The following PCNT variants were observed in gnomAD, a reference collection of about 807,000 sequenced individuals.
PCNT encodes kendrin.
PCNT carries 319 observed loss-of-function variants against 380.4 expected under a neutral mutation model. The observed-to-expected ratio is 0.84, with a 90% confidence interval of 0.77 to 0.92. The LOEUF is 0.92. PCNT is among the 40% of genes least tolerant of loss of function. PCNT has a pLI of 0.00. For synonymous variants in PCNT, 1,845 were observed against 1,735.2 expected (o/e 1.06, Z -1.57); for missense variants, 4,400 against 4,255.3 (o/e 1.03, Z -0.95).
At position 46,357,188 on chromosome 21, in the gene PCNT, G is replaced by A; in HGVS notation, c.2151G>A (p.Glu717=). ...AAACTCGTCTGAAGGACGATTTGGA[G>A]AAGGTGAGTCGTGACTCCACAGCCC... ...QHETRLKDDL[E]KVKHNLIEDH... Residue 717 remains glutamate, a synonymous_variant, in exon 13 of 47, where the codon GAG becomes GAA. Coordinates refer to ENST00000359568, the MANE Select transcript of PCNT (RefSeq NM_006031.6). 1 of 1,606,880 alleles carries A rather than the reference G, an allele frequency of 6.2e-7. No individual in the cohort carries two copies. Among genetic ancestry groups the A allele is most frequent in the South Asian group, 1.1e-5 (1 of 90,936 alleles).
chr21:46,348,961 T>G (rs755207348), intron 6 of PCNT, 51 bp from the exon 7 acceptor site: 2 of 1,239,412 alleles, frequency 1.6e-6, no homozygotes, highest in Non-Finnish European at 2.4e-6. Flanking sequence ...TTAAATTTCT[T>G]TAGCACAGAT....
chr21:46,440,972 C>G lies in PCNT; in HGVS notation c.9511C>G (p.Leu3171Val), dbSNP rs779933158. Reference sequence around the variant, plus strand: ...ATTCCAGGATTCTGAACAAGAAACACTCTCCATGATTGCCCATTTGGGGGT... The same window carrying G: ...ATTCCAGGATTCTGAACAAGAAACAGTCTCCATGATTGCCCATTTGGGGGT... Reference protein sequence around the residue: ...GGFQDSEQETLSMIAHLGVFP... With the variant: ...GGFQDSEQETVSMIAHLGVFP... Residue 3171 changes from leucine to valine, a missense_variant, in exon 43 of 47, where the codon CTC becomes GTC. Coordinates refer to ENST00000359568, the MANE Select transcript of PCNT (RefSeq NM_006031.6). The G allele has an allele frequency of 1.2e-5, 20 of 1,612,864 alleles. No individual in the cohort carries two copies. Among genetic ancestry groups the G allele is most frequent in the Admixed American group, 1.7e-5 (1 of 59,998 alleles).
rs372049859 is a variant in PCNT, at chr21:46,391,264, G to C, written c.4104G>C (p.Leu1368=). 6.9e-6 allele frequency: 11 copies of C among 1,599,496 alleles called. No homozygotes were observed. In the East Asian group the frequency reaches 2.5e-4, roughly 36 times the overall value. ...EHRLVLELES[L]RRQLQQAAQE... ...GTCTGGTGCTGGAGCTGGAGAGCCT[G>C]AGACGGCAGCTGCAGCAGGCGGCCC... The change falls in exon 21 of 47, where the codon CTG becomes CTC. Residue 1368 remains leucine (L), a synonymous_variant. Coordinates refer to ENST00000359568, the MANE Select transcript of PCNT (RefSeq NM_006031.6).
intron 27 of PCNT, among the ~76,000 whole-genome samples, chr21:46,408,868 G>A (rs556081463): frequency 2.4e-4 from 36 of 150,932 alleles, no homozygotes; most frequent in Middle Eastern, 7.0e-3. Flanking sequence ...GATTACAGGC[G>A]CCGCCACCAC....
intron 32 of PCNT, among the ~76,000 whole-genome samples, chr21:46,423,728 G>GAGGGGGAT (rs1569287872): frequency 0.037 from 271 of 7,244 alleles, 15 homozygotes; most frequent in Non-Finnish European, 0.051. Context: ...GAAGAGAAGG[G>GAGGGGGAT]GAGGGGGAGG....
intron 14 of PCNT, among the ~76,000 whole-genome samples, chr21:46,366,308 G>A (rs1334111128): frequency 2.0e-5 from 3 of 152,160 alleles, no homozygotes; most frequent in Admixed American, 6.5e-5. Context: ...GCCATCTCTT[G>A]CTGAGGGCGC....
In PCNT at chr21:46,425,824, G is replaced by A. The variant is rs201549624; in HGVS notation, c.7180-7G>A. 348 of 1,613,322 alleles carry A rather than the reference G, an allele frequency of 2.2e-4. 1 individual carries two copies. The highest frequency in any genetic ancestry group is 1.2e-3 in the South Asian group (110 of 91,062). The stretch of plus-strand genomic sequence containing the variant: ...CAACTCCCTTCTGACGCGCTTTCCC[G>A]CCACAGGCTTTACTGCAGATGGTGC... On this transcript the variant is annotated splice_region_variant and splice_polypyrimidine_tract_variant and intron_variant, in intron 32 of 46. Transcript: ENST00000359568. This position sits in a 1 kb window ranked among gnomAD's most constrained non-coding sequence, Gnocchi z 4.2.
chr21:46,430,561 GAGT>G lies in PCNT; in HGVS notation c.7969_7971del (p.Ser2657del). 1 of 1,558,712 alleles carries G rather than the reference GAGT, an allele frequency of 6.4e-7. No homozygotes were observed. The highest frequency in any genetic ancestry group is 8.7e-7 in the Non-Finnish European group (1 of 1,151,734). ...TGAAGGCCGCGCTTCAGGAGCTGGA[GAGT>G]GAGCAGGGGAAGGGGCGTGCCCTGC... is the stretch of plus-strand genomic sequence containing the variant. On this transcript the variant is annotated inframe_deletion, in exon 37 of 47. Transcript: ENST00000359568.
chr21:46,375,972 C>A (rs1307737422), intron 15 of PCNT, among the ~76,000 whole-genome samples: 1 of 152,222 alleles, frequency 6.6e-6, no homozygotes, highest in Non-Finnish European at 1.5e-5. Context: ...CATGGAGCTT[C>A]CAGCTGCCAG....
chr21:46,438,854 G>A (rs1466154241), intron 41 of PCNT, among the ~76,000 whole-genome samples: 1 of 151,668 alleles, frequency 6.6e-6, no homozygotes, highest in Non-Finnish European at 1.5e-5. Flanking sequence ...TATATTTTTA[G>A]TAGAGATGGG....
At chr21:46,374,612 G>A (rs1283874655) in intron 15 of PCNT, among the ~76,000 whole-genome samples, 1 of 152,176 alleles carries the variant, frequency 6.6e-6, no homozygotes, top group Non-Finnish European at 1.5e-5. Context: ...CACTTTGGGA[G>A]GCCGAGGCGG....
intron 27 of PCNT, among the ~76,000 whole-genome samples, chr21:46,405,914 G>C (rs192852563): frequency 7.9e-5 from 12 of 152,260 alleles, no homozygotes; most frequent in Non-Finnish European, 1.3e-4. Context: ...TTTTCTTACA[G>C]ATATGTGCAA....
chr21:46,439,859 G>C (rs1226957578), intron 41 of PCNT, among the ~76,000 whole-genome samples: 1 of 152,224 alleles, frequency 6.6e-6, no homozygotes, highest in East Asian at 1.9e-4. Context: ...ACTTCAGCAA[G>C]TGGCATGTCG....
At position 46,346,966 on chromosome 21, in the gene PCNT, A is replaced by G; in HGVS notation, c.944A>G (p.Glu315Gly). Residue 315 changes from glutamate to glycine, a missense_variant, in exon 5 of 47, where the codon GAG (glutamate) becomes GGG (glycine). Physicochemically the swap from Glu to Gly is moderately conservative, Grantham distance 98 (BLOSUM62 -2). Coordinates refer to ENST00000359568, the MANE Select transcript of PCNT (RefSeq NM_006031.6). ...LLREQHAREK[E>G]EVVLRCGQEA... is the part of the protein sequence containing the mutation. The stretch of plus-strand genomic sequence containing the variant: ...AGGGAGCAGCACGCACGGGAGAAGG[A>G]GGAGGTGGTGCTCAGGTGTGGACAG... 6.3e-7 allele frequency: 1 copy of G among 1,596,676 alleles called. No homozygotes were observed. The highest frequency in any genetic ancestry group is 8.5e-7 in the Non-Finnish European group (1 of 1,173,908).
Position 46,371,994 on chromosome 21 carries a change from C to CGT in PCNT, c.3165+4855_3165+4856insGT, listed in dbSNP as rs1569214183. Among the ~76,000 whole-genome samples the CGT allele has an allele frequency of 7.3e-4, 110 of 150,142 alleles. 1 individual carries two copies. Among genetic ancestry groups the CGT allele is most frequent in the South Asian group, 5.1e-3 (24 of 4,734 alleles). Reference sequence around the variant, plus strand: ...AGCACATACACACATGCAGCACATGCACACACACACAGCACATGCACACAC... The same window carrying CGT: ...AGCACATACACACATGCAGCACATGCGTACACACACACAGCACATGCACACAC... On this transcript the variant is annotated intron_variant, in intron 15 of 46. Transcript: ENST00000359568.
In PCNT at chr21:46,416,448, C is replaced by G; in HGVS notation, c.6530C>G (p.Ser2177Cys). Reference protein sequence around the residue: ...DSLIPDEMPDSPIQEKSECQD... With the variant: ...DSLIPDEMPDCPIQEKSECQD... ...TTGATACCAGATGAAATGCCAGATT[C>G]TCCCATTCAAGAAAAATCAGAATGT... Residue 2177 changes from serine (S) to cysteine (C), a missense_variant, in exon 30 of 47, where the codon TCT (serine) becomes TGT (cysteine). Physicochemically the swap from Ser to Cys is moderately radical, Grantham distance 112. Coordinates refer to ENST00000359568, the MANE Select transcript of PCNT (RefSeq NM_006031.6). 1 of 1,614,198 alleles carries G rather than the reference C, an allele frequency of 6.2e-7. No homozygotes were observed. Among genetic ancestry groups the G allele is most frequent in the Non-Finnish European group, 8.5e-7 (1 of 1,180,028 alleles).
At chr21:46,345,047 T>C (rs1297686989) in intron 3 of PCNT, among the ~76,000 whole-genome samples, 2 of 152,216 alleles carry the variant, frequency 1.3e-5, no homozygotes, top group Non-Finnish European at 2.9e-5. Context: ...TTTGTGTCTC[T>C]AGATTGGTTT....
intron 16 of PCNT, among the ~76,000 whole-genome samples, chr21:46,382,948 A>C (rs1569228741): frequency 7.5e-6 from 1 of 133,258 alleles, no homozygotes; most frequent in Non-Finnish European, 1.5e-5. Flanking sequence ...TTGTATATTC[A>C]GTGACGGAAG....
chr21:46,407,133 G>A (rs1188672514), intron 27 of PCNT, among the ~76,000 whole-genome samples: 1 of 152,056 alleles, frequency 6.6e-6, no homozygotes, highest in Non-Finnish European at 1.5e-5. Context: ...AACATAGCTG[G>A]GATTTCTTCT....
Sources: allele counts gnomAD v4.1 joint callset (sites outside exome capture counted in the v4.1 genomes callset), GRCh38; gene constraint gnomAD v4.1.1; non-coding constraint Gnocchi (gnomAD v3.1); transcripts MANE v1.5; gene names NCBI Gene and HGNC (gene_info 2026-07-23, HGNC 2026-07-21).